RBM41: variants seen among roughly 807,000 people sequenced by gnomAD.
RBM41 encodes the protein RNA-binding protein 41.
RBM41 carries 14 observed loss-of-function variants against 30.8 expected under a neutral mutation model. The ratio of observed to expected loss-of-function variants is 0.45; its 90% CI spans 0.30 to 0.71. The LOEUF (loss-of-function observed/expected upper bound fraction) is 0.71. Ranked by LOEUF, RBM41 falls within the 30% of genes least tolerant of loss-of-function variation. The pLI is 0.08. For missense variants in RBM41, 276 were observed against 326.3 expected (o/e 0.85, Z 1.19); for synonymous variants, 120 against 110.1 (o/e 1.09, Z -0.56).
chrX:107,113,765 G>A (rs1414507809), intron 4 of RBM41, among the ~76,000 whole-genome samples: 1 of 111,960 alleles, frequency 8.9e-6, no homozygotes, highest in East Asian at 2.8e-4. Flanking sequence ...TATGCTAAAT[G>A]TCTCTCCACA....
At chrX:107,083,360 T>C (rs1238155738) in intron 6 of RBM41, among the ~76,000 whole-genome samples, 2 of 111,476 alleles carry the variant, frequency 1.8e-5, no homozygotes. Context: ...TTTCTGTAGT[T>C]TGAACATGAT....
chrX:107,082,094 CTCA>C (rs1378638424), intron 6 of RBM41, among the ~76,000 whole-genome samples: 1 of 111,746 alleles, frequency 8.9e-6, no homozygotes, highest in African/African-American at 3.2e-5. Context: ...TGCCTTATTT[CTCA>C]TCAAAGGGGA....
chrX:107,104,236 TATTTAACTCTA>T (rs1923740047), intron 5 of RBM41, among the ~76,000 whole-genome samples: 1 of 111,673 alleles, frequency 9.0e-6, no homozygotes, highest in Admixed American at 9.5e-5. Context: ...CATTAATAAA[TATTTAACTCTA>T]ATTAACAGTA....
At chrX:107,100,286 G>T (rs1923338377) in intron 5 of RBM41, among the ~76,000 whole-genome samples, 1 of 111,670 alleles carries the variant, frequency 9.0e-6, no homozygotes, top group Admixed American at 9.5e-5. Flanking sequence ...AACATGGCGT[G>T]TGCCACTGTC....
chrX:107,114,896 C>T (rs1924770460), intron 4 of RBM41: 1 of 120,814 alleles, frequency 8.3e-6, no homozygotes, highest in Admixed American at 8.5e-5. Flanking sequence ...CTTCGCCTCC[C>T]CTTCCTTCCA....
At chrX:107,076,029 C>T (rs1402782704) in intron 6 of RBM41, among the ~76,000 whole-genome samples, 1 of 111,105 alleles carries the variant, frequency 9.0e-6, no homozygotes, top group Non-Finnish European at 1.9e-5. Context: ...CATATAAATA[C>T]AATGGGGGCT....
intron 5 of RBM41, among the ~76,000 whole-genome samples, chrX:107,091,055 C>T (rs982441840): frequency 1.5e-4 from 17 of 110,200 alleles, no homozygotes; most frequent in East Asian, 5.7e-4. Flanking sequence ...TGAGAACATG[C>T]GGTGTTTGGT....
At chrX:107,080,831 C>T (rs905658003) in intron 6 of RBM41, among the ~76,000 whole-genome samples, 1 of 111,061 alleles carries the variant, frequency 9.0e-6, no homozygotes, top group African/African-American at 3.3e-5. Context: ...TCTGTGGTGA[C>T]GTGTTTGTTC....
chrX:107,058,153 C>G (rs1044441030), downstream of RBM41, among the ~76,000 whole-genome samples: 1 of 109,305 alleles, frequency 9.1e-6, no homozygotes, highest in Non-Finnish European at 1.9e-5. Context: ...ATTTGCCAGG[C>G]GTGGTGGCAC....
At chrX:107,079,030 T>C (rs1275269339) in intron 6 of RBM41, among the ~76,000 whole-genome samples, 1 of 111,468 alleles carries the variant, frequency 9.0e-6, no homozygotes, top group Non-Finnish European at 1.9e-5. Flanking sequence ...GAAGCAGCCA[T>C]TTCTCTAAGG....
At chrX:107,088,408 A>C (rs774892027) in intron 6 of RBM41, 28 bp downstream of exon 6, 5 of 1,176,839 alleles carry the variant, frequency 4.2e-6, no homozygotes, top group South Asian at 1.9e-5. Context: ...AAATCAACCC[A>C]GGTTGTTTTA....
rs72211602 is a variant in RBM41, at chrX:107,069,866, TAAAAA to T, written c.1000-469_1000-465del. ...AAAACTCTCTAAAACTATAGGCACTTAAAAAAAAAAAAAAAAAAACACAAATCAAC... is the reference window on the plus strand; with the variant it reads ...AAAACTCTCTAAAACTATAGGCACTTAAAAAAAAAAAAAACACAAATCAAC... On this transcript the variant is annotated intron_variant, in intron 6 of 7. Coordinates refer to ENST00000685964, the MANE Select transcript of RBM41 (RefSeq NM_001324242.2). The T allele has an allele frequency of 6.3e-4, 52 of 82,281 alleles. No individual in the cohort carries two copies. The East Asian group carries it at 7.1e-3, about 11-fold the overall frequency. The allele number at this position is 82,281 out of a possible 1,213,427, so 6.8% of individuals were successfully genotyped here. A position where few individuals can be genotyped will look rare whatever the true frequency, so the allele number is the denominator to read the frequency against.
chrX:107,085,812 A>C (rs1921989688), intron 6 of RBM41, among the ~76,000 whole-genome samples: 1 of 111,304 alleles, frequency 9.0e-6, no homozygotes. Flanking sequence ...TCTCCTTAAA[A>C]TGATTCAAAA....
Position 107,085,256 on chromosome X carries a change from TTTTC to T in RBM41, c.999+3176_999+3179del, listed in dbSNP as rs1245701080. On this transcript the variant is annotated intron_variant, in intron 6 of 7. Coordinates refer to ENST00000685964, the MANE Select transcript of RBM41 (RefSeq NM_001324242.2). ...TTCTTATTGTTTTTCTTTTTTTTCT[TTTTC>T]TTTTTTTTTTTTTTTTGAGACAGAG... 9.2e-3 allele frequency among the ~76,000 whole-genome samples: 801 copies of T among 86,991 alleles called. 5 individuals are homozygous for T. Among genetic ancestry groups the T allele is most frequent in the African/African-American group, 0.043 (760 of 17,556 alleles). 75.5% of individuals were successfully genotyped at this position (86,991 alleles called of 115,157 possible).
At chrX:107,105,813 A>G (rs947451932) in intron 5 of RBM41, among the ~76,000 whole-genome samples, 1 of 111,996 alleles carries the variant, frequency 8.9e-6, no homozygotes, top group African/African-American at 3.2e-5. Flanking sequence ...CTGGCTAGCC[A>G]TATGTAGAAA....
At chrX:107,101,659 C>T (rs1923474400) in intron 5 of RBM41, among the ~76,000 whole-genome samples, 1 of 111,793 alleles carries the variant, frequency 8.9e-6, no homozygotes, top group Non-Finnish European at 1.9e-5. Flanking sequence ...CCCAACCTTG[C>T]CAACATTTTG....
chrX:107,090,638 C>T (rs757016586), intron 5 of RBM41, among the ~76,000 whole-genome samples: 1 of 110,560 alleles, frequency 9.0e-6, no homozygotes, highest in South Asian at 3.9e-4. Context: ...ACCCTTGGTT[C>T]CTTTTAGTAG....
chrX:107,112,800 T>C, intron 5 of RBM41: 1 of 323,998 alleles, frequency 3.1e-6, no homozygotes, highest in Non-Finnish European at 6.0e-6. Context: ...TGTTGTGTGA[T>C]TCCATTTACA....
chrX:107,054,967 C>T, the RBM41 span, among the ~76,000 whole-genome samples: 1 of 112,109 alleles, frequency 8.9e-6, no homozygotes, highest in South Asian at 3.8e-4. Flanking sequence ...TGCCAGCATG[C>T]CAAAATGAAA....
Sources: allele counts gnomAD v4.1 joint callset (sites outside exome capture counted in the v4.1 genomes callset), GRCh38; gene constraint gnomAD v4.1.1; transcripts MANE v1.5; gene names NCBI Gene and HGNC (gene_info 2026-07-23, HGNC 2026-07-21).